Variants in ABCA7 observed in about 807,000 individuals in gnomAD.
The protein encoded by ABCA7 is phospholipid-transporting ATPase ABCA7.
ABCA7 carries 261 observed loss-of-function variants against 227.6 expected under a neutral mutation model. The observed-to-expected ratio is 1.15, with a 90% CI of 1.04 to 1.27. The LOEUF (loss-of-function observed/expected upper bound fraction) is 1.27. Among genes scored for constraint, ABCA7 ranks in the 50% most tolerant of loss-of-function variants. The pLI is 0.00. For missense variants in ABCA7, 3,331 were observed against 2,924.5 expected (o/e 1.14, Z -3.21); for synonymous variants, 1,488 against 1,279.7 (o/e 1.16, Z -3.47).
At position 1,054,059 on chromosome 19, in the gene ABCA7, C is replaced by T. The variant is rs1209363815; in HGVS notation, c.3526C>T (p.Leu1176=). 2 of 1,613,268 alleles carry T rather than the reference C, an allele frequency of 1.2e-6. No homozygotes were observed. Among genetic ancestry groups the T allele is most frequent in the African/African-American group, 1.3e-5 (1 of 74,920 alleles). ...AGGCATTGCTGGCCTAGACGTAACC[C>T]TACGGCTCAAGATGCCGCCACAGGA... ...CTGIAGLDVT[L]RLKMPPQETA... The change falls in exon 26 of 47, where the codon CTA becomes TTA. Residue 1176 remains leucine, a synonymous_variant. Transcript: ENST00000263094. The surrounding 1 kb of genome is among the most constrained non-coding windows in gnomAD (Gnocchi z 4.8).
At chr19:1,063,900 G>C (rs79353417) in intron 44 of ABCA7, 37 bp downstream of exon 44, 1 of 1,499,660 alleles carries the variant, frequency 6.7e-7, no homozygotes, top group Non-Finnish European at 8.9e-7. Context: ...TGTGGTTAAG[G>C]TGATCCAGGC....
chr19:1,058,336 A>G, intron 37 of ABCA7, 67 bp downstream of exon 37: 1 of 1,587,348 alleles, frequency 6.3e-7, no homozygotes, highest in Non-Finnish European at 8.6e-7. Flanking sequence ...CCTAGAGTTA[A>G]TTATACAGAG....
At chr19:1,042,256 G>A in intron 5 of ABCA7, 59 bp from the exon 6 acceptor site, 1 of 1,585,324 alleles carries the variant, frequency 6.3e-7, no homozygotes, top group Non-Finnish European at 8.6e-7. Context: ...ACAGGGTGGG[G>A]GTGGGTGCCT....
Position 1,054,549 on chromosome 19 carries a change from G to A in ABCA7, c.3727-21G>A, listed in dbSNP as rs1191387045. 5.6e-6 allele frequency: 9 copies of A among 1,604,376 alleles called. No homozygotes were observed. Among genetic ancestry groups the A allele is most frequent in the East Asian group, 2.2e-5 (1 of 44,644 alleles). ...GCCTGGAGGGTGGATGGAAGCAGCA[G>A]CTGATGGGCTGGTCCCCCAGATCGT... On this transcript the variant is annotated intron_variant, in intron 27 of 46. Coordinates refer to ENST00000263094, the MANE Select transcript of ABCA7 (RefSeq NM_019112.4). This position sits in a 1 kb window ranked among gnomAD's most constrained non-coding sequence, Gnocchi z 4.8.
chr19:1,051,735 G>GACTT, intron 21 of ABCA7, 149 bp downstream of exon 21: 1 of 1,054,860 alleles, frequency 9.5e-7, no homozygotes, highest in South Asian at 1.6e-5. Context: ...CAAATACCGA[G>GACTT]ACAGTAAGAG....
rs1339918964 is a variant in ABCA7 at position 1,050,819 on chromosome 19, A to AATAATAATT, written c.2553-101_2553-100insTAATAATTA. The stretch of plus-strand genomic sequence containing the variant: ...TAATAATAATAATAATAATAATAAT[A>AATAATAATT]AATAATTAAAAATTTTTTAAAAACA... On this transcript the variant is annotated intron_variant, in intron 18 of 46. Coordinates refer to ENST00000263094, the MANE Select transcript of ABCA7 (RefSeq NM_019112.4). The AATAATAATT allele has an allele frequency of 2.7e-4, 176 of 648,514 alleles. 2 individuals carry two copies. Among genetic ancestry groups the AATAATAATT allele is most frequent in the Admixed American group, 1.7e-4 (4 of 23,886 alleles). 40.2% of individuals were successfully genotyped at this position (648,514 alleles called of 1,614,324 possible). A position where few individuals can be genotyped will look rare whatever the true frequency, so the allele number is the denominator to read the frequency against.
Position 1,042,065 on chromosome 19 carries a change from G to T in ABCA7, c.304G>T (p.Val102Phe). ...GRLSNFNDSL[V>F]SRLLADARTV... is the part of the protein sequence containing the mutation. Reference sequence around the variant, plus strand: ...CTCCTGCCCTCTCTCTGTCCCCAGGGTCTCCCGGCTGCTAGCCGATGCCCG... The same window carrying T: ...CTCCTGCCCTCTCTCTGTCCCCAGGTTCTCCCGGCTGCTAGCCGATGCCCG... The change falls in exon 5 of 47, where the codon GTC (valine) becomes TTC (phenylalanine). Residue 102 changes from valine (V) to phenylalanine (F), a missense_variant and splice_region_variant. Val to Phe is a conservative substitution (Grantham distance 50). Coordinates refer to ENST00000263094, the MANE Select transcript of ABCA7 (RefSeq NM_019112.4). The T allele has an allele frequency of 6.3e-7, 1 of 1,592,152 alleles. No homozygotes were observed.
chr19:1,063,998 G>A, intron 44 of ABCA7, 135 bp downstream of exon 44: 1 of 1,348,860 alleles, frequency 7.4e-7, no homozygotes, highest in Non-Finnish European at 9.9e-7. Context: ...CGGGGTGTAA[G>A]GACACACAGA....
rs912511641 is a variant in ABCA7, at chr19:1,047,324, C to T, written c.2013C>T (p.Tyr671=). Residue 671 remains tyrosine, a synonymous_variant, in exon 15 of 47, where the codon TAC becomes TAT. Coordinates refer to ENST00000263094, the MANE Select transcript of ABCA7 (RefSeq NM_019112.4). ...CCTACTTCTCCCTCTACCTGCCCTA[C>T]GTGCTGTGTGTGGCTTGGCGGGACC... ...GLAYFSLYLP[Y]VLCVAWRDRL... 1.4e-5 allele frequency: 23 copies of T among 1,600,990 alleles called. No individual in the cohort carries two copies. Among genetic ancestry groups the T allele is most frequent in the Non-Finnish European group, 2.0e-5 (23 of 1,177,576 alleles).
At position 1,054,367 on chromosome 19, in the gene ABCA7, C is replaced by T. The variant is rs1004933251; in HGVS notation, c.3726+26C>T. On this transcript the variant is annotated intron_variant, in intron 27 of 46. Transcript: ENST00000263094. This position sits in a 1 kb window ranked among gnomAD's most constrained non-coding sequence, Gnocchi z 4.8. Reference sequence around the variant, plus strand: ...GTGAGGAGGGCTAGCACCAGGGAGTCGCATGGGAGTCCCTGAGTTCCCTAC... The same window carrying T: ...GTGAGGAGGGCTAGCACCAGGGAGTTGCATGGGAGTCCCTGAGTTCCCTAC... 1.1e-4 allele frequency: 175 copies of T among 1,574,570 alleles called. No individual in the cohort carries two copies. The highest frequency in any genetic ancestry group is 2.1e-4 in the Middle Eastern group (1 of 4,774).
At position 1,044,744 on chromosome 19, in the gene ABCA7, G is replaced by C; in HGVS notation, c.1215G>C (p.Glu405Asp). Residue 405 changes from glutamate (E) to aspartate (D), a missense_variant and splice_region_variant, in exon 11 of 47, where the codon GAG becomes GAC. Coordinates refer to ENST00000263094, the MANE Select transcript of ABCA7 (RefSeq NM_019112.4). Reference sequence around the variant, plus strand: ...TGGGCACGCTGGGCCGAGTGACGGAGGTGAGGGCCTGTCCACCTGCGGGGT... The same window carrying C: ...TGGGCACGCTGGGCCGAGTGACGGACGTGAGGGCCTGTCCACCTGCGGGGT... ...HLVGTLGRVTECLSLDKLEAA... is the reference protein window; with the variant it reads ...HLVGTLGRVTDCLSLDKLEAA... 3 of 1,601,308 alleles carry C rather than the reference G, an allele frequency of 1.9e-6. No individual in the cohort carries two copies. In the South Asian group the frequency reaches 3.3e-5, roughly 18 times the overall value.
chr19:1,057,359 G>A lies in ABCA7; in HGVS notation c.4810G>A (p.Ala1604Thr), dbSNP rs111595042. The change falls in exon 35 of 47, where the codon GCC becomes ACC. Residue 1604 changes from alanine (A) to threonine (T), a missense_variant. Physicochemically the swap from Ala to Thr is moderately conservative, Grantham distance 58. Transcript: ENST00000263094. Reference protein sequence around the residue: ...PACIVVLIFLAFQQRAYVAPA... With the variant: ...PACIVVLIFLTFQQRAYVAPA... ...ATGCATCGTGGTGCTCATCTTTCTG[G>A]CCTTCCAGCAGAGGGCATATGTGGC... The A allele has an allele frequency of 6.2e-7, 1 of 1,613,916 alleles. No homozygotes were observed. Among genetic ancestry groups the A allele is most frequent in the Non-Finnish European group, 8.5e-7 (1 of 1,180,020 alleles).
chr19:1,044,031 G>A (rs1235164172), intron 10 of ABCA7, among the ~76,000 whole-genome samples, 190 bp downstream of exon 10: 2 of 148,906 alleles, frequency 1.3e-5, no homozygotes, highest in Admixed American at 6.7e-5. Flanking sequence ...TCCACCTCCC[G>A]GGTTCAAGCG....
intron 44 of ABCA7, 113 bp downstream of exon 44, chr19:1,063,976 G>T (rs2042863224): frequency 2.9e-6 from 4 of 1,392,812 alleles, no homozygotes; most frequent in African/African-American, 2.9e-5. Context: ...GTGGGGCGAG[G>T]GCGCCAGGCC....
At chr19:1,064,398 T>C in intron 45 of ABCA7, 145 bp downstream of exon 45, 1 of 946,968 alleles carries the variant, frequency 1.1e-6, no homozygotes, top group Non-Finnish European at 1.5e-6. Flanking sequence ...CCTGCAGGGG[T>C]GACTGAGGGG....
At chr19:1,060,195 G>GTATATATATATA (rs138175754) in intron 40 of ABCA7, among the ~76,000 whole-genome samples, 1 of 53,464 alleles carries the variant, frequency 1.9e-5, no homozygotes, top group African/African-American at 6.6e-5. Context: ...ACACATTGCA[G>GTATATATATATA]TATATATATA....
chr19:1,048,496 C>CAAAAAAAAGAA (rs1391167069), intron 16 of ABCA7, among the ~76,000 whole-genome samples: 1 of 21,628 alleles, frequency 4.6e-5, no homozygotes, highest in African/African-American at 1.9e-4. Flanking sequence ...AACTCAGTCT[C>CAAAAAAAAGAA]AAAAAAAAAA....
Position 1,059,095 on chromosome 19 carries a change from G to C in ABCA7, c.5463+10G>C. 1.2e-6 allele frequency: 2 copies of C among 1,611,600 alleles called. No individual in the cohort carries two copies. Among genetic ancestry groups the C allele is most frequent in the Non-Finnish European group, 1.7e-6 (2 of 1,179,446 alleles). ...GATTCCCCCTGGTGAGGTGAGTCCA[G>C]GGGTGGAGGCCAGGTGCAGGGACAG... On this transcript the variant is annotated intron_variant, in intron 40 of 46. Coordinates refer to ENST00000263094, the MANE Select transcript of ABCA7 (RefSeq NM_019112.4).
Position 1,055,226 on chromosome 19 carries a change from G to T in ABCA7, c.4080G>T (p.Pro1360=), listed in dbSNP as rs1461237405. Reference sequence around the variant, plus strand: ...CCCGGCGCCTGCTGCCCGACTGCCCGGCTGCAGCTGGTGGTCCCCCTCCGC... The same window carrying T: ...CCCGGCGCCTGCTGCCCGACTGCCCTGCTGCAGCTGGTGGTCCCCCTCCGC... ...PGARRLLPDC[P]AAAGGPPPPQ... The change falls in exon 30 of 47, where the codon CCG becomes CCT. Residue 1360 remains proline (P), a synonymous_variant. Transcript: ENST00000263094. 1 of 1,606,620 alleles carries T rather than the reference G, an allele frequency of 6.2e-7. No homozygotes were observed. Among genetic ancestry groups the T allele is most frequent in the East Asian group, 2.2e-5 (1 of 44,492 alleles).
Sources: gnomAD v4.1 joint callset for allele counts (sites outside exome capture counted in the v4.1 genomes callset) on GRCh38, gnomAD v4.1.1 for gene constraint, Gnocchi (gnomAD v3.1) non-coding constraint, MANE v1.5 for transcripts, NCBI Gene and HGNC (gene_info 2026-07-23, HGNC 2026-07-21) for gene names.